Variants in TPM4 observed in about 807,000 individuals in gnomAD.
TPM4 encodes the protein tropomyosin 4.
Under a neutral mutation model 35.8 loss-of-function variants are expected in TPM4, and 17 were observed. That is an observed-to-expected ratio of 0.47 (90% CI 0.32 to 0.71). The LOEUF is 0.71. TPM4 is among the 30% of genes least tolerant of loss of function. The pLI is 0.03. For synonymous variants in TPM4, 120 were observed against 122.9 expected, an observed-to-expected ratio of 0.98 and a Z score of 0.15; for missense variants, 240 against 320.9, an observed-to-expected ratio of 0.75 and a Z score of 1.93.
At chr19:16,096,115 G>T (rs2144960142) in intron 7 of TPM4, among the ~76,000 whole-genome samples, 1 of 152,266 alleles carries the variant, frequency 6.6e-6, no homozygotes, top group East Asian at 1.9e-4. Flanking sequence ...ATTTTTAGTA[G>T]AGACAGGGTT....
In TPM4 at chr19:16,102,685, A is replaced by G. The variant is rs1236036303; in HGVS notation, c.*1339A>G. 1.3e-5 allele frequency: 3 copies of G among 229,404 alleles called. No homozygotes were observed. The highest frequency in any genetic ancestry group is 6.6e-5 in the African/African-American group (3 of 45,134). 14.2% of individuals were successfully genotyped at this position (229,404 alleles called of 1,614,324 possible). A position where few individuals can be genotyped will look rare whatever the true frequency, so the allele number is the denominator to read the frequency against. On this transcript the variant is annotated 3_prime_UTR_variant, in exon 8 of 8. Coordinates refer to ENST00000643579, the MANE Select transcript of TPM4 (RefSeq NM_003290.3). Reference sequence around the variant, plus strand: ...TGAAGGATTCTGTAGACAGGGCTGCACGTATCGGCTTTGTTTGACTTCTCT... The same window carrying G: ...TGAAGGATTCTGTAGACAGGGCTGCGCGTATCGGCTTTGTTTGACTTCTCT...
chr19:16,076,127 G>A (rs760449877), upstream of TPM4: 11 of 1,583,656 alleles, frequency 6.9e-6, no homozygotes, highest in Non-Finnish European at 8.6e-7. Context: ...AGGACCTGAA[G>A]GACGCGCAGG....
At chr19:16,098,651 G>A (rs1488207013) in intron 7 of TPM4, among the ~76,000 whole-genome samples, 1 of 151,330 alleles carries the variant, frequency 6.6e-6, no homozygotes, top group African/African-American at 2.4e-5. Flanking sequence ...CAAGAGACCA[G>A]GGTTTAAGGC....
chr19:16,086,557 G>A lies in TPM4; in HGVS notation c.384+17G>A, dbSNP rs1443989428. The A allele has an allele frequency of 1.9e-6, 3 of 1,601,930 alleles. No individual in the cohort carries two copies. In the African/African-American group the frequency reaches 4.0e-5, roughly 21 times the overall value. On this transcript the variant is annotated intron_variant, in intron 3 of 7. Coordinates refer to ENST00000643579, the MANE Select transcript of TPM4 (RefSeq NM_003290.3). Reference sequence around the variant, plus strand: ...TACGAGGAGGTGAGTGGGGCTGGCAGATGGCGCAGCAGCAGGAAGTGGGAG... The same window carrying A: ...TACGAGGAGGTGAGTGGGGCTGGCAAATGGCGCAGCAGCAGGAAGTGGGAG...
At chr19:16,092,728 G>C (rs528178018) in intron 5 of TPM4, among the ~76,000 whole-genome samples, 1 of 152,090 alleles carries the variant, frequency 6.6e-6, no homozygotes, top group Non-Finnish European at 1.5e-5. Flanking sequence ...TAAAGACAGC[G>C]TTTCGCCATG....
chr19:16,071,533 C>G (rs2090356855), upstream of TPM4, among the ~76,000 whole-genome samples: 1 of 152,204 alleles, frequency 6.6e-6, no homozygotes. Context: ...CTGCACATTT[C>G]TGAGCCCTCA....
intron 5 of TPM4, among the ~76,000 whole-genome samples, chr19:16,091,546 G>A (rs576971941): frequency 2.0e-5 from 3 of 152,268 alleles, no homozygotes; most frequent in East Asian, 1.9e-4. Flanking sequence ...AAGCCGAGGC[G>A]GGAGGATCGC....
At position 16,070,992 on chromosome 19, in the gene TPM4, G is replaced by A. The variant is rs576932697; in HGVS notation, c.114+3254G>A. 6.6e-6 allele frequency among the ~76,000 whole-genome samples: 1 copy of A among 152,274 alleles called. No homozygotes were observed. Among genetic ancestry groups the A allele is most frequent in the African/African-American group, 2.4e-5 (1 of 41,550 alleles). Reference sequence around the variant, plus strand: ...CACTAATTCTTACTAAGGTGTGAGTGGCTATCTCCCAGGACAGCCACAAGT... The same window carrying A: ...CACTAATTCTTACTAAGGTGTGAGTAGCTATCTCCCAGGACAGCCACAAGT... On this transcript the variant is annotated intron_variant, in intron 2 of 2. Coordinates refer to the TPM4 transcript ENST00000589897. The surrounding 1 kb of genome is among the most constrained non-coding windows in gnomAD (Gnocchi z 7.4).
rs539307654 is a variant in TPM4, at chr19:16,070,111, T to TG, written c.114+2378dup. Among the ~76,000 whole-genome samples, 169 of 152,040 alleles carry TG rather than the reference T, an allele frequency of 1.1e-3. No individual in the cohort carries two copies. In the Middle Eastern group the frequency reaches 0.014, roughly 12 times the overall value. On this transcript the variant is annotated intron_variant, in intron 2 of 2. Transcript: ENST00000589897. The surrounding 1 kb of genome is among the most constrained non-coding windows in gnomAD (Gnocchi z 7.4). ...GAGTCTGAGAATCTCATTGTGTATGTGGGGGTGTCCCTGCTAAAAGCCTGG... is the reference window on the plus strand; with the variant it reads ...GAGTCTGAGAATCTCATTGTGTATGTGGGGGGTGTCCCTGCTAAAAGCCTGG...
chr19:16,098,811 T>A (rs189339090), intron 7 of TPM4, among the ~76,000 whole-genome samples: 154 of 151,980 alleles, frequency 1.0e-3, no homozygotes, highest in African/African-American at 2.8e-3. Flanking sequence ...TTTTAAAAAA[T>A]TTTTTAATAA....
intron 7 of TPM4, chr19:16,095,555 G>A (rs913784699): frequency 3.0e-6 from 3 of 1,013,826 alleles, no homozygotes; most frequent in Non-Finnish European, 3.5e-6. Flanking sequence ...CCTTTGAGCT[G>A]TAGCTGTGTG....
intron 1 of TPM4, chr19:16,077,872 C>T: frequency 6.8e-6 from 2 of 295,874 alleles, no homozygotes; most frequent in South Asian, 1.6e-4. Flanking sequence ...AGAGATTCTC[C>T]TGCTTCAGCC....
intron 1 of TPM4, among the ~76,000 whole-genome samples, chr19:16,079,292 T>G (rs890869855): frequency 6.6e-6 from 1 of 152,182 alleles, no homozygotes; most frequent in Non-Finnish European, 1.5e-5. Flanking sequence ...GTACACAGTT[T>G]TTTGTTTGTT....
At chr19:16,099,900 T>C (rs1475583469) in intron 7 of TPM4, 1 of 152,216 alleles carries the variant, frequency 6.6e-6, no homozygotes, top group Non-Finnish European at 1.5e-5. Context: ...TTTGTCTCCG[T>C]TCTCCTGGAT....
intron 7 of TPM4, among the ~76,000 whole-genome samples, chr19:16,098,715 C>G (rs545752971): frequency 6.6e-6 from 1 of 151,784 alleles, no homozygotes; most frequent in Non-Finnish European, 1.5e-5. Context: ...CCAAGGCAGG[C>G]GGATCACTTG....
intron 2 of TPM4, among the ~76,000 whole-genome samples, chr19:16,069,303 GGA>G (rs1422651364): frequency 2.0e-5 from 3 of 152,092 alleles, no homozygotes; most frequent in Non-Finnish European, 4.4e-5. Context: ...GAATGTGTAT[GGA>G]TGAGTGTGTG....
chr19:16,068,537 T>C (rs530449087), intron 2 of TPM4, among the ~76,000 whole-genome samples: 2 of 152,316 alleles, frequency 1.3e-5, no homozygotes, highest in East Asian at 3.9e-4. Flanking sequence ...TGTGTCTGTG[T>C]GTGTATCTGC....
intron 7 of TPM4, among the ~76,000 whole-genome samples, chr19:16,099,129 G>A (rs2090736328): frequency 6.6e-6 from 1 of 151,604 alleles, no homozygotes; most frequent in African/African-American, 2.4e-5. Context: ...ACCCAGGCTG[G>A]AGGGCAGTGA....
At chr19:16,075,499 C>T (rs1229424120), upstream of TPM4, 1 of 152,570 alleles carries the variant, frequency 6.6e-6, no homozygotes, top group East Asian at 1.9e-4. Context: ...CCCTTCAGCC[C>T]TTCAGAGTAT....
Sources: allele counts gnomAD v4.1 joint callset (sites outside exome capture counted in the v4.1 genomes callset), GRCh38; gene constraint gnomAD v4.1.1; non-coding constraint Gnocchi (gnomAD v3.1); transcripts MANE v1.5; gene names NCBI Gene and HGNC (gene_info 2026-07-23, HGNC 2026-07-21).